The following ARPP21 variants were observed in gnomAD, a reference collection of about 807,000 sequenced individuals.
ARPP21 encodes cAMP regulated phosphoprotein 21.
In ARPP21, 69 loss-of-function variants were observed where a neutral mutation model predicts 113.2. That is an observed-to-expected ratio of 0.61 (90% CI 0.50 to 0.74). ARPP21 has a LOEUF of 0.74. Ranked by LOEUF, ARPP21 falls within the 30% of genes least tolerant of loss-of-function variation. ARPP21 has a pLI of 0.00. For missense variants in ARPP21, 1,070 were observed against 1,037.4 expected (o/e 1.03, Z -0.43); for synonymous variants, 368 against 375.5 (o/e 0.98, Z 0.23).
intron 9 of ARPP21, among the ~76,000 whole-genome samples, chr3:35,692,067 T>C (rs1326069663): frequency 6.6e-6 from 1 of 151,498 alleles, no homozygotes; most frequent in Non-Finnish European, 1.5e-5. Context: ...AACTGAGAGA[T>C]CTGGGACCAA....
chr3:35,675,769 A>G (rs1368427689), intron 1 of ARPP21, among the ~76,000 whole-genome samples: 1 of 151,020 alleles, frequency 6.6e-6, no homozygotes, highest in African/African-American at 2.4e-5. Flanking sequence ...ATAAATAGCA[A>G]TGTATGTCAC....
chr3:35,680,476 G>T (rs1353860008), intron 2 of ARPP21, among the ~76,000 whole-genome samples: 1 of 151,810 alleles, frequency 6.6e-6, no homozygotes, highest in Non-Finnish European at 1.5e-5. Flanking sequence ...CATCTGTTTT[G>T]TCATGGTAGA....
At chr3:35,735,420 C>T (rs2094287480) in intron 15 of ARPP21, among the ~76,000 whole-genome samples, 1 of 152,018 alleles carries the variant, frequency 6.6e-6, no homozygotes. Context: ...TCCCTTGCTC[C>T]CTTTTGTTGC....
At chr3:35,709,720 G>A (rs553329461) in intron 11 of ARPP21, among the ~76,000 whole-genome samples, 2 of 152,252 alleles carry the variant, frequency 1.3e-5, no homozygotes, top group African/African-American at 4.8e-5. Context: ...AAAAGTAGAG[G>A]CTGGATTTAA....
Position 35,737,451 on chromosome 3 carries a change from G to A in ARPP21, c.1644+89G>A, listed in dbSNP as rs182456412. Reference sequence around the variant, plus strand: ...GAGCAGCAGAGAATCAGGGAGAAGCGTATATTTTACACTCAAGCCTCACAA... The same window carrying A: ...GAGCAGCAGAGAATCAGGGAGAAGCATATATTTTACACTCAAGCCTCACAA... On this transcript the variant is annotated intron_variant, in intron 16 of 20. Transcript: ENST00000684406. 87 of 866,186 alleles carry A rather than the reference G, an allele frequency of 1.0e-4. 1 individual carries two copies. Among genetic ancestry groups the A allele is most frequent in the Middle Eastern group, 7.0e-4 (2 of 2,876 alleles). 53.7% of individuals were successfully genotyped at this position (866,186 alleles called of 1,614,324 possible). A position where few individuals can be genotyped will look rare whatever the true frequency, so the allele number is the denominator to read the frequency against.
rs79568224 is a variant in ARPP21 at position 35,765,118 on chromosome 3, A to T, written c.2137+21153A>T. 3.3e-3 allele frequency among the ~76,000 whole-genome samples: 501 copies of T among 152,222 alleles called. 2 individuals are homozygous for T. The highest frequency in any genetic ancestry group is 0.011 in the African/African-American group (475 of 41,546). Reference sequence around the variant, plus strand: ...TTTTAAGTAATTGAACTTATATGGAATTTTTGCAGAAATTATATCATTTTT... The same window carrying T: ...TTTTAAGTAATTGAACTTATATGGATTTTTTGCAGAAATTATATCATTTTT... On this transcript the variant is annotated intron_variant, in intron 19 of 20. Coordinates refer to ENST00000684406, the MANE Select transcript of ARPP21 (RefSeq NM_001385562.1).
intron 14 of ARPP21, among the ~76,000 whole-genome samples, chr3:35,723,979 A>G (rs2093336665): frequency 1.3e-5 from 2 of 152,320 alleles, no homozygotes; most frequent in East Asian, 1.9e-4. Context: ...AGAACAGCAC[A>G]AGTTTTCAGT....
chr3:35,662,544 G>T (rs188081955), intron 1 of ARPP21, among the ~76,000 whole-genome samples: 168 of 152,300 alleles, frequency 1.1e-3, no homozygotes, highest in African/African-American at 3.9e-3. Context: ...AAGGTGAGCT[G>T]CAGTTCAGGC....
intron 19 of ARPP21, among the ~76,000 whole-genome samples, chr3:35,763,477 T>C (rs1031640150): frequency 1.3e-5 from 2 of 152,106 alleles, no homozygotes; most frequent in African/African-American, 4.8e-5. Context: ...CTCACCAAGG[T>C]GTGGAGTTGA....
At position 35,684,883 on chromosome 3, in the gene ARPP21, G is replaced by T. The variant is rs192838636; in HGVS notation, c.261+1068G>T. ...GCTATCTTTCAGTGGCCATTACTAT[G>T]TTTCGTACACATGCTTTATTTTACT... On this transcript the variant is annotated intron_variant, in intron 5 of 20. Transcript: ENST00000684406. The T allele has an allele frequency of 3.2e-3, 3,105 of 985,028 alleles. 8 individuals are homozygous for T. The highest frequency in any genetic ancestry group is 3.4e-3 in the Non-Finnish European group (2,825 of 829,560). The allele number at this position is 985,028 out of a possible 1,614,324, so 61.0% of individuals were successfully genotyped here.
intron 4 of ARPP21, among the ~76,000 whole-genome samples, chr3:35,683,133 C>T (rs573060075): frequency 6.6e-6 from 1 of 151,730 alleles, no homozygotes; most frequent in African/African-American, 2.4e-5. Flanking sequence ...TGTATTTGAT[C>T]CTGTGTTCAC....
At chr3:35,734,794 C>T (rs939426695) in intron 15 of ARPP21, among the ~76,000 whole-genome samples, 1 of 152,142 alleles carries the variant, frequency 6.6e-6, no homozygotes, top group Non-Finnish European at 1.5e-5. Flanking sequence ...ATTTTACTTT[C>T]CTAATTTATT....
At chr3:35,726,011 T>C (rs891482565) in intron 14 of ARPP21, among the ~76,000 whole-genome samples, 2 of 152,220 alleles carry the variant, frequency 1.3e-5, no homozygotes, top group Non-Finnish European at 2.9e-5. Context: ...GCTTGGATTC[T>C]GCCACAAACT....
At chr3:35,777,239 T>A (rs1188445744) in intron 19 of ARPP21, among the ~76,000 whole-genome samples, 1 of 152,128 alleles carries the variant, frequency 6.6e-6, no homozygotes, top group Admixed American at 6.5e-5. Context: ...CACCATTTAG[T>A]GGAAACTAAT....
At chr3:35,671,903 A>T (rs942511925) in intron 1 of ARPP21, among the ~76,000 whole-genome samples, 10 of 152,052 alleles carry the variant, frequency 6.6e-5, no homozygotes, top group African/African-American at 2.4e-4. Flanking sequence ...AGAAAAACTC[A>T]GAAAGCACCA....
intron 19 of ARPP21, 32 bp from the exon 20 acceptor site, chr3:35,792,350 C>A: frequency 1.2e-6 from 2 of 1,610,054 alleles, no homozygotes; most frequent in Non-Finnish European, 1.7e-6. Flanking sequence ...TCTTTCTGCA[C>A]AACCAGTTCA....
chr3:35,684,030 A>C, intron 5 of ARPP21: 1 of 1,597,076 alleles, frequency 6.3e-7, no homozygotes, highest in South Asian at 1.1e-5. Flanking sequence ...GACTCTCTGA[A>C]AACTGCAAAT....
At chr3:35,653,150 C>T (rs1261246061) in intron 1 of ARPP21, among the ~76,000 whole-genome samples, 1 of 152,010 alleles carries the variant, frequency 6.6e-6, no homozygotes, top group Non-Finnish European at 1.5e-5. Flanking sequence ...TAAACTCCCT[C>T]CTGTGTGAAA....
At chr3:35,720,407 C>A (rs534933381) in intron 13 of ARPP21, among the ~76,000 whole-genome samples, 1 of 152,216 alleles carries the variant, frequency 6.6e-6, no homozygotes, top group African/African-American at 2.4e-5. Flanking sequence ...ACAATTTTGT[C>A]GGTGAGTATT....
Sources: gnomAD v4.1 joint callset for allele counts (sites outside exome capture counted in the v4.1 genomes callset) on GRCh38, gnomAD v4.1.1 for gene constraint, MANE v1.5 for transcripts, NCBI Gene and HGNC (gene_info 2026-07-23, HGNC 2026-07-21) for gene names.